Variants in VPS37A observed in about 807,000 individuals in gnomAD.
VPS37A encodes the protein vacuolar protein sorting-associated protein 37A.
A neutral mutation model predicts 49.8 loss-of-function variants in VPS37A; 30 were observed. The observed-to-expected ratio is 0.60, with a 90% CI of 0.45 to 0.82. The LOEUF (loss-of-function observed/expected upper bound fraction) is 0.82, where lower values mean the gene tolerates loss of function less well. Among genes scored for constraint, VPS37A ranks in the 40% least tolerant of loss-of-function variants. The pLI is 0.00. For synonymous variants in VPS37A, 195 were observed against 160.6 expected (o/e 1.21, Z -1.62); for missense variants, 593 against 464.4 (o/e 1.28, Z -2.55).
Position 17,276,439 on chromosome 8 carries a change from G to T in VPS37A, c.685G>T (p.Asp229Tyr), listed in dbSNP as rs373011424. 1 of 1,612,440 alleles carries T rather than the reference G, an allele frequency of 6.2e-7. No homozygotes were observed. The highest frequency in any genetic ancestry group is 8.5e-7 in the Non-Finnish European group (1 of 1,179,324). The change falls in exon 6 of 12, where the codon GAT becomes TAT. Residue 229 changes from aspartate to tyrosine, a missense_variant. Transcript: ENST00000324849. ...TGGGTACAAGATGCCAGATGTCCCT[G>T]ATGCATTTCCAGAACTCTCAGAACT... The part of the protein sequence containing the change: ...GFGYKMPDVP[D>Y]AFPELSELSV...
intron 4 of VPS37A, among the ~76,000 whole-genome samples, chr8:17,269,877 C>T (rs935322605): frequency 6.6e-6 from 1 of 152,142 alleles, no homozygotes; most frequent in African/African-American, 2.4e-5. Flanking sequence ...TAAAGGAATA[C>T]CTGAGACTGG....
At chr8:17,249,181 A>T (rs1811746263) in intron 1 of VPS37A, among the ~76,000 whole-genome samples, 1 of 152,180 alleles carries the variant, frequency 6.6e-6, no homozygotes, top group Non-Finnish European at 1.5e-5. Flanking sequence ...AATACTACAA[A>T]GTCTCTTGCT....
At chr8:17,332,412 C>T in the VPS37A span, among the ~76,000 whole-genome samples, 1 of 152,152 alleles carries the variant, frequency 6.6e-6, no homozygotes, top group African/African-American at 2.4e-5. Flanking sequence ...AAACCCATGA[C>T]TATCTCAATA....
At chr8:17,266,112 AT>A in intron 2 of VPS37A, 131 bp downstream of exon 2, 1 of 756,670 alleles carries the variant, frequency 1.3e-6, no homozygotes, top group South Asian at 2.0e-5. Flanking sequence ...ATAGTGCACA[AT>A]TCAGTGAAAT....
the VPS37A span, among the ~76,000 whole-genome samples, chr8:17,315,043 T>C: frequency 6.6e-6 from 1 of 152,136 alleles, no homozygotes; most frequent in Non-Finnish European, 1.5e-5. Flanking sequence ...GGCCCTTGGG[T>C]AGTCAGCCGT....
the VPS37A span, among the ~76,000 whole-genome samples, chr8:17,325,588 G>A: frequency 1.3e-5 from 2 of 152,142 alleles, no homozygotes; most frequent in South Asian, 2.1e-4. Context: ...CTGAGCTGAC[G>A]CGGGGCCTGC....
intron 11 of VPS37A, among the ~76,000 whole-genome samples, chr8:17,291,682 T>C (rs1293575023): frequency 6.6e-6 from 1 of 152,200 alleles, no homozygotes; most frequent in African/African-American, 2.4e-5. Flanking sequence ...TGTGTCTTTG[T>C]TCTCATTGGT....
chr8:17,268,217 T>C, intron 2 of VPS37A, 41 bp from the exon 3 acceptor site: 1 of 1,391,040 alleles, frequency 7.2e-7, no homozygotes, highest in East Asian at 2.3e-5. Context: ...TGTACCTTTG[T>C]TATCTTTGTT....
chr8:17,321,700 C>A, the VPS37A span, among the ~76,000 whole-genome samples: 1 of 152,152 alleles, frequency 6.6e-6, no homozygotes, highest in Non-Finnish European at 1.5e-5. Flanking sequence ...ATTTACAAAC[C>A]ATTTTGCTGA....
At chr8:17,254,749 T>G in intron 1 of VPS37A, among the ~76,000 whole-genome samples, 1 of 152,202 alleles carries the variant, frequency 6.6e-6, no homozygotes, top group East Asian at 1.9e-4. Context: ...GGATTTGCTT[T>G]TTAAAAATCT....
the VPS37A span, among the ~76,000 whole-genome samples, chr8:17,321,403 T>C: frequency 0.42 from 64,278 of 152,114 alleles, 15,641 homozygotes; most frequent in East Asian, 0.77. Flanking sequence ...AACATTTCTG[T>C]TTTCAGGAGC....
At chr8:17,254,844 CTG>C (rs931042447) in intron 1 of VPS37A, among the ~76,000 whole-genome samples, 2 of 151,962 alleles carry the variant, frequency 1.3e-5, no homozygotes, top group African/African-American at 2.4e-5. Context: ...AATAAAAAAT[CTG>C]TTTTGATTTT....
the VPS37A span, among the ~76,000 whole-genome samples, chr8:17,310,137 A>C: frequency 2.6e-5 from 4 of 151,896 alleles, no homozygotes; most frequent in Admixed American, 2.6e-4. Context: ...AGCTGGGACC[A>C]CAGGTGGGCT....
chr8:17,275,748 AC>A (rs1184002166), intron 5 of VPS37A, among the ~76,000 whole-genome samples: 2 of 152,204 alleles, frequency 1.3e-5, no homozygotes, highest in African/African-American at 4.8e-5. Context: ...AGTGAATATC[AC>A]CCATAGCATT....
chr8:17,264,928 A>G (rs968531343), intron 1 of VPS37A, among the ~76,000 whole-genome samples: 2 of 152,238 alleles, frequency 1.3e-5, no homozygotes, highest in Non-Finnish European at 2.9e-5. Context: ...TAACAATAAA[A>G]CAAACTTATG....
intron 11 of VPS37A, among the ~76,000 whole-genome samples, chr8:17,288,137 CAG>C (rs2150419071): frequency 6.6e-6 from 1 of 152,314 alleles, no homozygotes; most frequent in Non-Finnish European, 1.5e-5. Flanking sequence ...GAAGTAGACA[CAG>C]AGTAGTTGCT....
At chr8:17,304,438 A>T (rs1554504516), downstream of VPS37A, 1 of 1,614,084 alleles carries the variant, frequency 6.2e-7, no homozygotes, top group South Asian at 1.1e-5. Context: ...TCTGGCTGTG[A>T]TCAGCTCTAA....
intron 11 of VPS37A, 25 bp downstream of exon 11, chr8:17,286,452 C>G (rs1288670522): frequency 4.4e-6 from 7 of 1,600,514 alleles, no homozygotes; most frequent in Non-Finnish European, 6.0e-6. Context: ...AAGTTTGAGT[C>G]TCAAGGTGAT....
In VPS37A at chr8:17,297,714, A is replaced by G. The variant is rs1221121163; in HGVS notation, c.*2728A>G. 1 of 152,016 alleles carries G rather than the reference A, an allele frequency of 6.6e-6. No individual in the cohort carries two copies. Among genetic ancestry groups the G allele is most frequent in the East Asian group, 1.9e-4 (1 of 5,188 alleles). The allele number at this position is 152,016 out of a possible 1,614,324, so 9.4% of individuals were successfully genotyped here. On this transcript the variant is annotated 3_prime_UTR_variant, in exon 12 of 12. Transcript: ENST00000324849. ...ACTTCCTGATTAATGTTTGATTATT[A>G]GATATTTTAGTCTTGTTGGGGATAT...
Sources: gnomAD v4.1 joint callset for allele counts (sites outside exome capture counted in the v4.1 genomes callset) on GRCh38, gnomAD v4.1.1 for gene constraint, MANE v1.5 for transcripts, NCBI Gene and HGNC (gene_info 2026-07-23, HGNC 2026-07-21) for gene names.